HECW1: variants seen among roughly 807,000 people sequenced by gnomAD.
HECW1 encodes the protein E3 ubiquitin-protein ligase HECW1.
Under a neutral mutation model 182.3 loss-of-function variants are expected in HECW1, and 61 were observed. The observed-to-expected ratio is 0.33, with a 90% confidence interval of 0.27 to 0.41. The LOEUF (loss-of-function observed/expected upper bound fraction) is 0.41, where lower values mean the gene tolerates loss of function less well. Ranked by LOEUF, HECW1 falls within the 10% of genes least tolerant of loss-of-function variation. HECW1 has a pLI of 1.00. For missense variants in HECW1, 1,739 were observed against 2,108.9 expected (o/e 0.82, Z 3.44); for synonymous variants, 859 against 832.6 (o/e 1.03, Z -0.55).
chr7:43,309,638 C>T (rs537149767), intron 3 of HECW1, among the ~76,000 whole-genome samples: 2 of 152,300 alleles, frequency 1.3e-5, no homozygotes, highest in African/African-American at 4.8e-5. Context: ...CCTACTCAAT[C>T]GTAAACCTTA....
chr7:43,172,161 G>C (rs112473134), intron 2 of HECW1, among the ~76,000 whole-genome samples: 3 of 151,350 alleles, frequency 2.0e-5, no homozygotes, highest in African/African-American at 7.3e-5. Flanking sequence ...TGGTGGGGGT[G>C]GGGGGATGTG....
intron 7 of HECW1, among the ~76,000 whole-genome samples, chr7:43,403,236 G>T (rs770883271): frequency 3.9e-5 from 6 of 152,172 alleles, no homozygotes; most frequent in Non-Finnish European, 5.9e-5. Context: ...CAGGGAAAAT[G>T]AGTAAATCTC....
Position 43,113,673 on chromosome 7 carries a change from G to A in HECW1, c.-266-484G>A, listed in dbSNP as rs79929953. The A allele has an allele frequency of 1.6e-3, 153 of 94,158 alleles. 2 individuals carry two copies. In the South Asian group the frequency reaches 0.047, roughly 29 times the overall value. 5.8% of individuals were successfully genotyped at this position (94,158 alleles called of 1,614,324 possible). A position where few individuals can be genotyped will look rare whatever the true frequency, so the allele number is the denominator to read the frequency against. Reference sequence around the variant, plus strand: ...GGGAGGGAGCTGCCGGGGCGGGGAGGGGGGGGGAATGCGTCCGGTCCATTT... The same window carrying A: ...GGGAGGGAGCTGCCGGGGCGGGGAGAGGGGGGGAATGCGTCCGGTCCATTT... On this transcript the variant is annotated intron_variant, in intron 1 of 29. Transcript: ENST00000395891.
intron 8 of HECW1, among the ~76,000 whole-genome samples, chr7:43,433,816 C>T (rs1351786342): frequency 1.3e-5 from 2 of 152,226 alleles, no homozygotes; most frequent in East Asian, 3.9e-4. Flanking sequence ...AGATGAGGAG[C>T]CATTTATTCA....
At chr7:43,502,926 C>G (rs1285499538) in intron 21 of HECW1, among the ~76,000 whole-genome samples, 1 of 152,122 alleles carries the variant, frequency 6.6e-6, no homozygotes. Context: ...AGAAACAGAA[C>G]TTGGTAATAA....
In HECW1 at chr7:43,372,037, G is replaced by A. The variant is rs146616206; in HGVS notation, c.555+11057G>A. On this transcript the variant is annotated intron_variant, in intron 6 of 29. Transcript: ENST00000395891. Reference sequence around the variant, plus strand: ...GGATTTCACCATGTTGGCCAGTCTGGTCTTGAACTCCTGACCTCAGGAGAT... The same window carrying A: ...GGATTTCACCATGTTGGCCAGTCTGATCTTGAACTCCTGACCTCAGGAGAT... Among the ~76,000 whole-genome samples the A allele has an allele frequency of 5.8e-3, 879 of 152,158 alleles. 6 individuals are homozygous for A. Among genetic ancestry groups the A allele is most frequent in the Middle Eastern group, 0.031 (9 of 294 alleles).
At chr7:43,461,553 C>T (rs990028609) in intron 13 of HECW1, among the ~76,000 whole-genome samples, 2 of 152,222 alleles carry the variant, frequency 1.3e-5, no homozygotes, top group Non-Finnish European at 2.9e-5. Context: ...TGGTCAAGGT[C>T]ACACACTTGG....
chr7:43,136,393 C>T (rs754572065), intron 2 of HECW1, among the ~76,000 whole-genome samples: 11 of 152,238 alleles, frequency 7.2e-5, no homozygotes, highest in Non-Finnish European at 1.5e-4. Flanking sequence ...AGCTCTTTAG[C>T]TCTTCATTCC....
At position 43,494,052 on chromosome 7, in the gene HECW1, C is replaced by T. The variant is rs572424557; in HGVS notation, c.3437+872C>T. ...GTGAATGGGGCTGATACCTGCAATA[C>T]CATACTCCGACTTCCTCGGGGAATC... is the stretch of plus-strand genomic sequence containing the variant. On this transcript the variant is annotated intron_variant, in intron 19 of 29. Coordinates refer to ENST00000395891, the MANE Select transcript of HECW1 (RefSeq NM_015052.5). Among the ~76,000 whole-genome samples the T allele has an allele frequency of 6.6e-5, 10 of 152,288 alleles. No individual in the cohort carries two copies. In the East Asian group the frequency reaches 1.3e-3, roughly 21 times the overall value.
chr7:43,504,447 G>A (rs546468794), intron 21 of HECW1, among the ~76,000 whole-genome samples: 7 of 152,182 alleles, frequency 4.6e-5, no homozygotes, highest in South Asian at 2.1e-4. Flanking sequence ...CTGATGCAGC[G>A]TAGATTCTGC....
intron 7 of HECW1, 81 bp downstream of exon 7, chr7:43,396,970 T>G: frequency 9.8e-7 from 1 of 1,019,864 alleles, no homozygotes; most frequent in Non-Finnish European, 1.5e-6. Flanking sequence ...CATTTCACTC[T>G]TACCTACAAG....
At chr7:43,394,660 C>G (rs2075164067) in intron 6 of HECW1, among the ~76,000 whole-genome samples, 1 of 152,150 alleles carries the variant, frequency 6.6e-6, no homozygotes, top group South Asian at 2.1e-4. Context: ...GAGTTTCAGT[C>G]CCTCACCTGA....
At chr7:43,227,009 AG>A in intron 2 of HECW1, among the ~76,000 whole-genome samples, 1 of 152,348 alleles carries the variant, frequency 6.6e-6, no homozygotes, top group South Asian at 2.1e-4. Flanking sequence ...CATTATTTTT[AG>A]CAAAATGACA....
chr7:43,407,163 G>A (rs1055366266), intron 7 of HECW1, among the ~76,000 whole-genome samples: 3 of 152,114 alleles, frequency 2.0e-5, no homozygotes, highest in Non-Finnish European at 2.9e-5. Flanking sequence ...ACTCAGCCCC[G>A]TGGAGGCCAG....
chr7:43,192,709 A>G (rs1794042808), intron 2 of HECW1, among the ~76,000 whole-genome samples: 1 of 152,310 alleles, frequency 6.6e-6, no homozygotes, highest in African/African-American at 2.4e-5. Flanking sequence ...ACATTTTGGT[A>G]TACTTTATTT....
intron 4 of HECW1, among the ~76,000 whole-genome samples, chr7:43,319,050 GTCC>G (rs1187644962): frequency 6.6e-6 from 1 of 152,206 alleles, no homozygotes; most frequent in Non-Finnish European, 1.5e-5. Context: ...TCTCAGATCT[GTCC>G]TCCTCAAGAA....
At chr7:43,313,306 G>A (rs1169835452) in intron 4 of HECW1, among the ~76,000 whole-genome samples, 1 of 150,270 alleles carries the variant, frequency 6.7e-6, no homozygotes, top group African/African-American at 2.4e-5. Context: ...TATAGATTAA[G>A]AACAGAGATT....
chr7:43,398,093 C>A (rs999397142), intron 7 of HECW1, among the ~76,000 whole-genome samples: 2 of 152,058 alleles, frequency 1.3e-5, no homozygotes, highest in African/African-American at 4.8e-5. Context: ...CTCATCTCTG[C>A]TAAAAATACA....
chr7:43,274,327 A>G, intron 3 of HECW1: 1 of 905,278 alleles, frequency 1.1e-6, no homozygotes, highest in Non-Finnish European at 1.6e-6. Context: ...GATGAAGATG[A>G]CTTCAGGCTG....
Sources: gnomAD v4.1 joint callset for allele counts (sites outside exome capture counted in the v4.1 genomes callset) on GRCh38, gnomAD v4.1.1 for gene constraint, MANE v1.5 for transcripts, NCBI Gene and HGNC (gene_info 2026-07-23, HGNC 2026-07-21) for gene names.